Variants in CFAP36 observed in about 807,000 individuals in gnomAD.
CFAP36 encodes cilia- and flagella-associated protein 36.
In CFAP36, 37 loss-of-function variants were observed where a neutral mutation model predicts 50.5. That is an observed-to-expected ratio of 0.73 (90% CI 0.56 to 0.96). The LOEUF is 0.96. CFAP36 is among the 50% of genes least tolerant of loss of function. The pLI, the probability that CFAP36 is intolerant of heterozygous loss-of-function variation, is 0.00. For synonymous variants in CFAP36, 138 were observed against 128.2 expected (o/e 1.08, Z -0.52); for missense variants, 407 against 396.2 (o/e 1.03, Z -0.23).
chr2:55,544,055 G>C lies in CFAP36; in HGVS notation c.758G>C (p.Ser253Thr). The C allele has an allele frequency of 6.2e-7, 1 of 1,613,918 alleles. No individual in the cohort carries two copies. The highest frequency in any genetic ancestry group is 8.5e-7 in the Non-Finnish European group (1 of 1,179,916). The part of the protein sequence containing the change: ...DLKIPGLEHA[S>T]IEGPIANLSV... ...AAGATTCCTGGCTTAGAGCATGCGA[G>C]CATTGAAGGACCAATAGCAGTAAGT... The change falls in exon 8 of 10, where the codon AGC (serine) becomes ACC (threonine). Residue 253 changes from serine to threonine, a missense_variant. Ser to Thr is a moderately conservative substitution (Grantham distance 58). Coordinates refer to ENST00000349456, the MANE Select transcript of CFAP36 (RefSeq NM_080667.7).
intron 9 of CFAP36, 44 bp downstream of exon 9, chr2:55,544,413 G>A: frequency 1.3e-6 from 2 of 1,561,526 alleles, no homozygotes; most frequent in Non-Finnish European, 1.7e-6. Flanking sequence ...ATCTGGTGGT[G>A]GAACTATCAA....
At chr2:55,533,388 A>C (rs542354284) in intron 4 of CFAP36, among the ~76,000 whole-genome samples, 2 of 152,174 alleles carry the variant, frequency 1.3e-5, no homozygotes, top group Non-Finnish European at 2.9e-5. Context: ...ATTCTGTAAA[A>C]TAGGAAAAGG....
At chr2:55,530,437 C>G (rs1372623980) in intron 4 of CFAP36, among the ~76,000 whole-genome samples, 5 of 152,194 alleles carry the variant, frequency 3.3e-5, no homozygotes, top group African/African-American at 1.2e-4. Context: ...AGTCCTGGGA[C>G]CACACCAACA....
At chr2:55,536,762 TG>T (rs1358810497) in intron 6 of CFAP36, among the ~76,000 whole-genome samples, 8 of 152,018 alleles carry the variant, frequency 5.3e-5, no homozygotes, top group African/African-American at 1.9e-4. Flanking sequence ...ACTTTTTTTT[TG>T]AGACTGAGTC....
At chr2:55,543,504 T>C (rs986847632) in intron 7 of CFAP36, among the ~76,000 whole-genome samples, 13 of 152,216 alleles carry the variant, frequency 8.5e-5, no homozygotes, top group Admixed American at 5.9e-4. Context: ...AATTATAGTT[T>C]TACATTAATT....
intron 2 of CFAP36, 135 bp from the exon 3 acceptor site, chr2:55,523,583 CAAT>C: frequency 2.0e-6 from 1 of 491,094 alleles, no homozygotes; most frequent in Non-Finnish European, 3.7e-6. Flanking sequence ...TGGTGAAAGA[CAAT>C]GTCACTGTCA....
intron 3 of CFAP36, 54 bp from the exon 4 acceptor site, chr2:55,528,824 G>A: frequency 9.7e-7 from 1 of 1,033,594 alleles, no homozygotes; most frequent in Non-Finnish European, 1.5e-6. Flanking sequence ...TCGAATGTAT[G>A]GGTAATAGTT....
rs772670359 is a variant in CFAP36 at position 55,535,770 on chromosome 2, A to G, written c.537+7A>G. 1 of 1,555,954 alleles carries G rather than the reference A, an allele frequency of 6.4e-7. No homozygotes were observed. Among genetic ancestry groups the G allele is most frequent in the South Asian group, 1.3e-5 (1 of 78,932 alleles). ...AAGGAAGAGGAAAAAACAGGTGCCT[A>G]CAGAACATATAACAGAAGTATTTTA... On this transcript the variant is annotated splice_region_variant and intron_variant, in intron 6 of 9. Coordinates refer to ENST00000349456, the MANE Select transcript of CFAP36 (RefSeq NM_080667.7).
intron 1 of CFAP36, among the ~76,000 whole-genome samples, chr2:55,520,168 C>T (rs181285246): frequency 6.1e-4 from 93 of 152,312 alleles, no homozygotes; most frequent in African/African-American, 1.8e-3. Context: ...GACTCCCCTT[C>T]TCTGGGGCCG....
intron 4 of CFAP36, among the ~76,000 whole-genome samples, chr2:55,532,950 A>G (rs1298812075): frequency 1.3e-5 from 2 of 152,378 alleles, no homozygotes; most frequent in Middle Eastern, 6.8e-3. Flanking sequence ...CTTGGGCTCA[A>G]GTTGCTACTT....
At chr2:55,525,005 G>A (rs1459866322) in intron 3 of CFAP36, among the ~76,000 whole-genome samples, 6 of 151,386 alleles carry the variant, frequency 4.0e-5, no homozygotes, top group Non-Finnish European at 7.4e-5. Flanking sequence ...AAAGAAATGA[G>A]GAAACCAAAG....
At chr2:55,520,589 C>T in intron 1 of CFAP36, 1 of 774,540 alleles carries the variant, frequency 1.3e-6, no homozygotes, top group African/African-American at 1.8e-5. Flanking sequence ...GAAGGACAGG[C>T]ATCTCCGGGT....
chr2:55,545,019 C>G lies in CFAP36; in HGVS notation c.*11C>G, dbSNP rs778399641. 1.4e-6 allele frequency: 2 copies of G among 1,438,964 alleles called. No homozygotes were observed. Among genetic ancestry groups the G allele is most frequent in the Admixed American group, 4.1e-5 (2 of 49,246 alleles). The allele number at this position is 1,438,964 out of a possible 1,614,324, so 89.1% of individuals were successfully genotyped here. ...GTTATTAATAAGTAATAATTAAGAACAATTTAACAAAATGGAAGTTCAAAT... is the reference window on the plus strand; with the variant it reads ...GTTATTAATAAGTAATAATTAAGAAGAATTTAACAAAATGGAAGTTCAAAT... On this transcript the variant is annotated 3_prime_UTR_variant, in exon 10 of 10. Transcript: ENST00000349456.
chr2:55,529,245 C>T (rs1684291333), intron 4 of CFAP36, among the ~76,000 whole-genome samples: 1 of 151,942 alleles, frequency 6.6e-6, no homozygotes, highest in Non-Finnish European at 1.5e-5. Context: ...CACAGTGAAA[C>T]CCCGTCTCTA....
At chr2:55,524,403 G>C (rs142166460) in intron 3 of CFAP36, among the ~76,000 whole-genome samples, 2 of 149,042 alleles carry the variant, frequency 1.3e-5, no homozygotes, top group Non-Finnish European at 3.0e-5. Context: ...TACAGGTGCC[G>C]CACCAGCACA....
At chr2:55,526,111 C>A (rs185288917) in intron 3 of CFAP36, among the ~76,000 whole-genome samples, 12 of 152,206 alleles carry the variant, frequency 7.9e-5, no homozygotes, top group Non-Finnish European at 1.3e-4. Flanking sequence ...TAAAGTCAGA[C>A]CAGAATTCAA....
At chr2:55,544,101 T>A in intron 8 of CFAP36, 27 bp downstream of exon 8, 1 of 1,612,564 alleles carries the variant, frequency 6.2e-7, no homozygotes, top group South Asian at 1.1e-5. Flanking sequence ...ACTTAAGAAC[T>A]ATAAGCAAAA....
At chr2:55,538,747 T>C (rs1684558153) in intron 7 of CFAP36, 3 of 313,484 alleles carry the variant, frequency 9.6e-6, no homozygotes, top group Non-Finnish European at 1.5e-5. Context: ...CCATCCCTTC[T>C]TTTTTTTTTT....
chr2:55,536,917 G>T (rs1684502924), intron 6 of CFAP36, among the ~76,000 whole-genome samples: 1 of 29,176 alleles, frequency 3.4e-5, no homozygotes, highest in Non-Finnish European at 7.5e-5. Context: ...GCTAATTTTT[G>T]TACTTTTAGT....
Sources: gnomAD v4.1 joint callset for allele counts (sites outside exome capture counted in the v4.1 genomes callset) on GRCh38, gnomAD v4.1.1 for gene constraint, MANE v1.5 for transcripts, NCBI Gene and HGNC (gene_info 2026-07-23, HGNC 2026-07-21) for gene names.